The following VSIG10 variants were observed in gnomAD, a reference collection of about 807,000 sequenced individuals.
The protein encoded by VSIG10 is V-set and immunoglobulin domain-containing protein 10.
A neutral mutation model predicts 58.7 loss-of-function variants in VSIG10; 48 were observed. The observed-to-expected ratio is 0.82, with a 90% CI of 0.65 to 1.04. VSIG10 has a LOEUF of 1.04. Among genes scored for constraint, VSIG10 ranks in the 50% least tolerant of loss-of-function variants. The pLI, the probability that VSIG10 is intolerant of heterozygous loss-of-function variation, is 0.00. For missense variants in VSIG10, 628 were observed against 670.0 expected (o/e 0.94, Z 0.69); for synonymous variants, 260 against 267.1 (o/e 0.97, Z 0.26).
intron 2 of VSIG10, among the ~76,000 whole-genome samples, chr12:118,088,384 A>T (rs1371221759): frequency 6.6e-6 from 1 of 152,166 alleles, no homozygotes; most frequent in African/African-American, 2.4e-5. Flanking sequence ...TTATCTCATT[A>T]ATGCATAACA....
chr12:118,083,470 T>C (rs2033029676), intron 2 of VSIG10, among the ~76,000 whole-genome samples: 6 of 151,214 alleles, frequency 4.0e-5, no homozygotes, highest in Admixed American at 4.0e-4. Flanking sequence ...CCCAGCTACT[T>C]GGGAGGCTGA....
chr12:118,079,688 C>G, intron 3 of VSIG10, 82 bp from the exon 4 acceptor site: 1 of 1,559,568 alleles, frequency 6.4e-7, no homozygotes, highest in South Asian at 1.2e-5. Flanking sequence ...ATGGCAGAAC[C>G]AGGGTCTCAG....
intron 2 of VSIG10, among the ~76,000 whole-genome samples, chr12:118,088,937 A>G (rs1489832056): frequency 2.0e-5 from 3 of 150,904 alleles, no homozygotes; most frequent in Non-Finnish European, 3.0e-5. Flanking sequence ...TGACATTTTT[A>G]TTCCTTTTTC....
At position 118,095,562 on chromosome 12, in the gene VSIG10, T is replaced by G; in HGVS notation, c.332A>C (p.Gln111Pro). Reference sequence around the variant, plus strand: ...CACCTGCAGCCACACTTGGAACCACTGAGTCACATTCAGGATCTCCTGGCA... The same window carrying G: ...CACCTGCAGCCACACTTGGAACCACGGAGTCACATTCAGGATCTCCTGGCA... ...YTCQEILNVTQWFQVWLQVAS... is the reference protein window; with the variant it reads ...YTCQEILNVTPWFQVWLQVAS... The change falls in exon 2 of 9, where the codon CAG becomes CCG. Residue 111 changes from glutamine (Q) to proline (P), a missense_variant. Gln to Pro is a moderately conservative substitution (Grantham distance 76). Coordinates refer to ENST00000359236, the MANE Select transcript of VSIG10 (RefSeq NM_019086.6). 1 of 1,613,966 alleles carries G rather than the reference T, an allele frequency of 6.2e-7. No homozygotes were observed. Among genetic ancestry groups the G allele is most frequent in the South Asian group, 1.1e-5 (1 of 91,084 alleles).
In VSIG10 at chr12:118,063,950, C is replaced by G. The variant is rs1474839425; in HGVS notation, c.*2689G>C. ...TGGAGGCCCCCTTCCCAGGCTCCAC[C>G]AGGGTTTGAGAAAAACAAGAAAAAA... On this transcript the variant is annotated 3_prime_UTR_variant, in exon 9 of 9. Coordinates refer to ENST00000359236, the MANE Select transcript of VSIG10 (RefSeq NM_019086.6). The G allele has an allele frequency of 6.6e-6, 1 of 152,142 alleles. No individual in the cohort carries two copies. Among genetic ancestry groups the G allele is most frequent in the Non-Finnish European group, 1.5e-5 (1 of 68,016 alleles). The allele number at this position is 152,142 out of a possible 1,614,324, so 9.4% of individuals were successfully genotyped here.
intron 7 of VSIG10, among the ~76,000 whole-genome samples, chr12:118,069,428 T>C (rs919344221): frequency 1.1e-4 from 16 of 144,884 alleles, no homozygotes; most frequent in South Asian, 2.2e-4. Flanking sequence ...TCTTCTTCTT[T>C]TTTTTTTTTT....
At chr12:118,076,908 C>T (rs1227203031) in intron 4 of VSIG10, among the ~76,000 whole-genome samples, 1 of 152,174 alleles carries the variant, frequency 6.6e-6, no homozygotes, top group Non-Finnish European at 1.5e-5. Context: ...ATCCTCCTGC[C>T]TCTGACTCCC....
At chr12:118,072,712 G>A (rs2032547423) in intron 5 of VSIG10, among the ~76,000 whole-genome samples, 1 of 151,580 alleles carries the variant, frequency 6.6e-6, no homozygotes, top group South Asian at 2.1e-4. Flanking sequence ...AAAATAAAAA[G>A]AAATAAGTAG....
At chr12:118,072,908 C>G (rs534660605) in intron 5 of VSIG10, among the ~76,000 whole-genome samples, 10 of 152,092 alleles carry the variant, frequency 6.6e-5, no homozygotes, top group Non-Finnish European at 1.3e-4. Context: ...TTGGGACACA[C>G]TTATACTTAA....
intron 2 of VSIG10, among the ~76,000 whole-genome samples, chr12:118,090,801 A>G (rs542854686): frequency 6.6e-6 from 1 of 152,220 alleles, no homozygotes; most frequent in Non-Finnish European, 1.5e-5. Context: ...TACAGGGATG[A>G]GCCACTGTGC....
chr12:118,103,622 C>T lies in VSIG10; in HGVS notation c.50G>A (p.Gly17Glu). The T allele has an allele frequency of 2.6e-6, 4 of 1,518,280 alleles. No homozygotes were observed. The highest frequency in any genetic ancestry group is 3.5e-6 in the Non-Finnish European group (4 of 1,139,216). The allele number at this position is 1,518,280 out of a possible 1,614,324, so 94.1% of individuals were successfully genotyped here. A position where few individuals can be genotyped will look rare whatever the true frequency, so the allele number is the denominator to read the frequency against. The stretch of plus-strand genomic sequence containing the variant: ...GGCGACCCAGCCGGCCAGGAGCGCC[C>T]CGAGGCAGACGAGGACGCGGGGCTC... Reference protein sequence around the residue: ...APEPRVLVCLGALLAGWVAVG... With the variant: ...APEPRVLVCLEALLAGWVAVG... The change falls in exon 1 of 9, where the codon GGG becomes GAG. Residue 17 changes from glycine to glutamate, a missense_variant. By Grantham distance (98) the Gly-to-Glu change is moderately conservative. Transcript: ENST00000359236.
intron 3 of VSIG10, among the ~76,000 whole-genome samples, chr12:118,079,967 G>A (rs1249598677): frequency 6.6e-6 from 1 of 152,172 alleles, no homozygotes; most frequent in African/African-American, 2.4e-5. Flanking sequence ...CCAAGTAGCT[G>A]GGATTACAGG....
intron 3 of VSIG10, 89 bp downstream of exon 3, chr12:118,082,038 A>AT: frequency 6.9e-5 from 83 of 1,197,618 alleles, no homozygotes; most frequent in Middle Eastern, 2.6e-4. Flanking sequence ...AAAAAAAAAA[A>AT]GACAAATGGG....
intron 8 of VSIG10, among the ~76,000 whole-genome samples, chr12:118,067,408 A>G (rs933700554): frequency 3.3e-5 from 5 of 150,832 alleles, no homozygotes; most frequent in Non-Finnish European, 7.4e-5. Flanking sequence ...TGTTGGTTCA[A>G]TCTTGCTCCT....
chr12:118,091,756 T>G lies in VSIG10; in HGVS notation c.361+3777A>C, dbSNP rs1026111775. On this transcript the variant is annotated intron_variant, in intron 2 of 8. Coordinates refer to ENST00000359236, the MANE Select transcript of VSIG10 (RefSeq NM_019086.6). ...TATTTCCCTATTTTATTATTATTAT[T>G]ATTATCATTTCTTTTTTTGAGACGG... Among the ~76,000 whole-genome samples the G allele has an allele frequency of 2.6e-5, 4 of 152,010 alleles. No homozygotes were observed. In the East Asian group the frequency reaches 7.7e-4, roughly 29 times the overall value.
intron 3 of VSIG10, 54 bp downstream of exon 3, chr12:118,082,073 A>AC: frequency 6.5e-7 from 1 of 1,540,406 alleles, no homozygotes; most frequent in Non-Finnish European, 8.8e-7. Flanking sequence ...GCAGTTCATA[A>AC]GTTCACAAAG....
chr12:118,069,108 G>C (rs369347109), intron 7 of VSIG10, among the ~76,000 whole-genome samples: 1 of 147,444 alleles, frequency 6.8e-6, no homozygotes, highest in South Asian at 2.2e-4. Flanking sequence ...TTTCTTTTTC[G>C]GGATAGAGTC....
chr12:118,082,344 C>T lies in VSIG10; in HGVS notation c.447G>A (p.Val149=), dbSNP rs116220818. The change falls in exon 3 of 9, where the codon GTG becomes GTA. Residue 149 remains valine, a synonymous_variant. Transcript: ENST00000359236. Reference sequence around the variant, plus strand: ...TGGAGCTGCTGTTGCAGCTGAAGTCCACCTGGGAGCCCCTGGCTGCGTAGA... The same window carrying T: ...TGGAGCTGCTGTTGCAGCTGAAGTCTACCTGGGAGCCCCTGGCTGCGTAGA... ...GTLYAARGSQ[V]DFSCNSSSRP... 2.9e-3 allele frequency: 4,669 copies of T among 1,613,946 alleles called. 128 individuals carry two copies. The African/African-American group carries it at 0.056, about 19-fold the overall frequency.
In VSIG10 at chr12:118,103,234, A is replaced by G. The variant is rs564710631; in HGVS notation, c.79+359T>C. On this transcript the variant is annotated intron_variant, in intron 1 of 8. Transcript: ENST00000359236. ...GAGTTTGAGCACCAGCGTATCAGTT[A>G]CTACTAAAACCAGAACGCGAATTTA... 2.0e-5 allele frequency: 4 copies of G among 195,504 alleles called. No individual in the cohort carries two copies. The South Asian group carries it at 4.5e-4, about 22-fold the overall frequency. The allele number at this position is 195,504 out of a possible 1,614,324, so 12.1% of individuals were successfully genotyped here. A position where few individuals can be genotyped will look rare whatever the true frequency, so the allele number is the denominator to read the frequency against.
Sources: allele counts gnomAD v4.1 joint callset (sites outside exome capture counted in the v4.1 genomes callset), GRCh38; gene constraint gnomAD v4.1.1; transcripts MANE v1.5; gene names NCBI Gene and HGNC (gene_info 2026-07-23, HGNC 2026-07-21).